KCNK10: variants seen among roughly 807,000 people sequenced by gnomAD.
The protein encoded by KCNK10 is potassium two pore domain channel subfamily K member 10.
KCNK10 carries 25 observed loss-of-function variants against 47.7 expected under a neutral mutation model. That is an observed-to-expected ratio of 0.52 (90% CI 0.38 to 0.73). The LOEUF (loss-of-function observed/expected upper bound fraction) is 0.73. KCNK10 is among the 30% of genes least tolerant of loss of function. KCNK10 has a pLI of 0.00. For synonymous variants in KCNK10, 303 were observed against 285.6 expected (o/e 1.06, Z -0.61); for missense variants, 563 against 714.5 (o/e 0.79, Z 2.42).
chr14:88,214,101 G>A (rs1595084381), intron 4 of KCNK10, among the ~76,000 whole-genome samples: 3 of 151,768 alleles, frequency 2.0e-5, no homozygotes, highest in Admixed American at 1.3e-4. Flanking sequence ...CACCACACCT[G>A]GCTAATTTTG....
At chr14:88,238,954 C>T (rs1481902855) in intron 3 of KCNK10, among the ~76,000 whole-genome samples, 2 of 152,092 alleles carry the variant, frequency 1.3e-5, no homozygotes, top group Non-Finnish European at 2.9e-5. Context: ...AGTCAGAACA[C>T]ACGGCATTTA....
chr14:88,282,161 T>C (rs1887665185), intron 1 of KCNK10, among the ~76,000 whole-genome samples: 1 of 152,194 alleles, frequency 6.6e-6, no homozygotes. Flanking sequence ...GTAATTATAC[T>C]GTATGAAAAA....
chr14:88,197,024 T>C (rs772445323), intron 4 of KCNK10, among the ~76,000 whole-genome samples: 7 of 152,160 alleles, frequency 4.6e-5, no homozygotes, highest in Non-Finnish European at 7.3e-5. Context: ...AATAGTGAAG[T>C]GGAACCTTCA....
chr14:88,213,040 C>A (rs1265044111), intron 4 of KCNK10, among the ~76,000 whole-genome samples: 1 of 152,160 alleles, frequency 6.6e-6, no homozygotes, highest in Non-Finnish European at 1.5e-5. Flanking sequence ...GTATTCTAAA[C>A]ATTTTCCCTT....
At chr14:88,267,391 G>A (rs1429849318) in intron 1 of KCNK10, among the ~76,000 whole-genome samples, 1 of 148,470 alleles carries the variant, frequency 6.7e-6, no homozygotes. Context: ...TTTTTTTTGA[G>A]ACGGAGTCTT....
intron 2 of KCNK10, among the ~76,000 whole-genome samples, chr14:88,251,232 CAAAAA>C (rs1160023262): frequency 2.8e-5 from 2 of 70,204 alleles, no homozygotes; most frequent in African/African-American, 1.2e-4. Context: ...GACTCTGTCT[CAAAAA>C]AAAAAAAAAA....
At chr14:88,268,887 C>A (rs1054356631) in intron 1 of KCNK10, among the ~76,000 whole-genome samples, 1 of 152,160 alleles carries the variant, frequency 6.6e-6, no homozygotes, top group African/African-American at 2.4e-5. Flanking sequence ...CATGGCTGGG[C>A]GCAGTGGCTC....
At chr14:88,210,996 C>T (rs1027171885) in intron 4 of KCNK10, among the ~76,000 whole-genome samples, 5 of 152,150 alleles carry the variant, frequency 3.3e-5, no homozygotes, top group African/African-American at 9.7e-5. Context: ...AGCAATTCCA[C>T]TGCTGGGTAT....
chr14:88,309,373 A>C (rs1446249927), intron 1 of KCNK10, among the ~76,000 whole-genome samples: 1 of 152,152 alleles, frequency 6.6e-6, no homozygotes, highest in Non-Finnish European at 1.5e-5. Context: ...AAGCCGAGGT[A>C]GGCGGATTGC....
intron 1 of KCNK10, among the ~76,000 whole-genome samples, chr14:88,289,916 T>C (rs1887841578): frequency 6.6e-6 from 1 of 152,244 alleles, no homozygotes; most frequent in Non-Finnish European, 1.5e-5. Context: ...ATCGTGCTTG[T>C]GTATCTATTT....
At chr14:88,278,591 G>A (rs1008369253) in intron 1 of KCNK10, among the ~76,000 whole-genome samples, 4 of 152,192 alleles carry the variant, frequency 2.6e-5, no homozygotes, top group Admixed American at 6.5e-5. Context: ...AGCAAAGCCT[G>A]CAGGAAAACA....
chr14:88,263,664 G>A, intron 1 of KCNK10, 113 bp from the exon 2 acceptor site: 1 of 944,032 alleles, frequency 1.1e-6, no homozygotes, highest in South Asian at 1.7e-5. Flanking sequence ...CAAATGTGAG[G>A]ATGAAACGCT....
intron 3 of KCNK10, among the ~76,000 whole-genome samples, chr14:88,230,125 G>A (rs1283175722): frequency 6.6e-6 from 1 of 152,166 alleles, no homozygotes; most frequent in Non-Finnish European, 1.5e-5. Flanking sequence ...AGTTACATGT[G>A]AAGATTAAAT....
chr14:88,297,664 C>T (rs923078508), intron 1 of KCNK10, among the ~76,000 whole-genome samples: 1 of 152,180 alleles, frequency 6.6e-6, no homozygotes, highest in South Asian at 2.1e-4. Context: ...CAGTGAGTCA[C>T]GATCCCCAAA....
At position 88,185,850 on chromosome 14, in the gene KCNK10, A is replaced by T; in HGVS notation, c.1317T>A (p.His439Gln). 6 of 1,614,018 alleles carry T rather than the reference A, an allele frequency of 3.7e-6. No homozygotes were observed. Among genetic ancestry groups the T allele is most frequent in the African/African-American group, 1.3e-5 (1 of 74,992 alleles). The change falls in exon 7 of 7, where the codon CAT (histidine) becomes CAA (glutamine). Residue 439 changes from histidine to glutamine, a missense_variant. His to Gln is a conservative substitution (Grantham distance 24, BLOSUM62 0). Coordinates refer to ENST00000319231, the MANE Select transcript of KCNK10 (RefSeq NM_138317.3). This position sits in a 1 kb window ranked among gnomAD's most constrained non-coding sequence, Gnocchi z 4.3. The stretch of plus-strand genomic sequence containing the variant: ...TGTTGTCCTCGGACGCACCCTGCCC[A>T]TGCTTGTTCAGCTGCTCCGGCCCCT... ...RLKGPEQLNK[H>Q]GQGASEDNII...
At position 88,218,453 on chromosome 14, in the gene KCNK10, G is replaced by A. The variant is rs139192421; in HGVS notation, c.681+8922C>T. ...AATTTTCCAAGTAATTTTGGCACTC[G>A]TAAGTCTAGGGTAATGTTTTATTAT... is the stretch of plus-strand genomic sequence containing the variant. On this transcript the variant is annotated intron_variant, in intron 4 of 6. Transcript: ENST00000319231. Among the ~76,000 whole-genome samples, 9 of 152,016 alleles carry A rather than the reference G, an allele frequency of 5.9e-5. No homozygotes were observed. The East Asian group carries it at 1.2e-3, about 20-fold the overall frequency.
At chr14:88,240,476 C>T (rs1886423391) in intron 3 of KCNK10, among the ~76,000 whole-genome samples, 2 of 152,106 alleles carry the variant, frequency 1.3e-5, no homozygotes. Flanking sequence ...CCATTCTAAC[C>T]TTTTCATTAG....
chr14:88,310,362 C>T (rs1036617631), intron 1 of KCNK10, among the ~76,000 whole-genome samples: 6 of 151,838 alleles, frequency 4.0e-5, no homozygotes, highest in African/African-American at 1.2e-4. Context: ...TGTCCAATGC[C>T]TAGCCCCATT....
chr14:88,187,001 T>C (rs1028544947), intron 6 of KCNK10, among the ~76,000 whole-genome samples: 2 of 152,222 alleles, frequency 1.3e-5, no homozygotes, highest in South Asian at 2.1e-4. Flanking sequence ...GAACTCAAAT[T>C]TGTGCATCCA....
Sources: gnomAD v4.1 joint callset for allele counts (sites outside exome capture counted in the v4.1 genomes callset) on GRCh38, gnomAD v4.1.1 for gene constraint, Gnocchi (gnomAD v3.1) non-coding constraint, MANE v1.5 for transcripts, NCBI Gene and HGNC (gene_info 2026-07-23, HGNC 2026-07-21) for gene names.